Variants in AK7 observed in about 807,000 individuals in gnomAD.
The protein encoded by AK7 is adenylate kinase 7, also known as ATP-AMP transphosphorylase 7.
Under a neutral mutation model 96.6 loss-of-function variants are expected in AK7, and 78 were observed. The ratio of observed to expected loss-of-function variants is 0.81; its 90% CI spans 0.67 to 0.97. The LOEUF (loss-of-function observed/expected upper bound fraction) is 0.97, where lower values mean the gene tolerates loss of function less well. Among genes scored for constraint, AK7 ranks in the 50% least tolerant of loss-of-function variants. The pLI is 0.00. For missense variants in AK7, 855 were observed against 887.9 expected (o/e 0.96, Z 0.47); for synonymous variants, 302 against 317.2 (o/e 0.95, Z 0.51).
chr14:96,482,954 G>A (rs2140178751), intron 15 of AK7, 45 bp from the exon 16 acceptor site: 1 of 1,590,728 alleles, frequency 6.3e-7, no homozygotes, highest in Non-Finnish European at 8.6e-7. Context: ...TTGCAGGCAG[G>A]CCTAGAATAT....
intron 5 of AK7, among the ~76,000 whole-genome samples, chr14:96,436,267 G>A (rs1305870055): frequency 1.3e-5 from 2 of 152,154 alleles, no homozygotes; most frequent in East Asian, 1.9e-4. Context: ...TATTGTATTT[G>A]TGGTTAAGTC....
intron 7 of AK7, among the ~76,000 whole-genome samples, chr14:96,444,106 A>G (rs986341939): frequency 2.0e-5 from 3 of 152,142 alleles, no homozygotes; most frequent in African/African-American, 7.2e-5. Flanking sequence ...GAAAGTTTAC[A>G]AAGTGTGTTG....
rs78235854 is a variant in AK7, at chr14:96,470,107, C to T, written c.1358-1371C>T. Among the ~76,000 whole-genome samples the T allele has an allele frequency of 8.3e-3, 1,255 of 151,828 alleles. 17 individuals are homozygous for T. Among genetic ancestry groups the T allele is most frequent in the African/African-American group, 0.027 (1,126 of 41,368 alleles). On this transcript the variant is annotated intron_variant, in intron 12 of 17. Transcript: ENST00000267584. ...TGCTGAGATTATAGGTGTGAGCCAC[C>T]GCGCCCGCCCGGGAGAGGTGTTTTA...
chr14:96,398,007 A>G (rs1890172564), intron 1 of AK7, 68 bp from the exon 2 acceptor site: 23 of 1,507,328 alleles, frequency 1.5e-5, no homozygotes, highest in Non-Finnish European at 1.7e-5. Flanking sequence ...AGTTTCTAGA[A>G]TCATCATTCA....
At chr14:96,469,152 G>C (rs1894744961) in intron 12 of AK7, among the ~76,000 whole-genome samples, 1 of 152,182 alleles carries the variant, frequency 6.6e-6, no homozygotes, top group Non-Finnish European at 1.5e-5. Flanking sequence ...TAAACTGAGG[G>C]AGGCATTGAA....
At chr14:96,461,830 C>G (rs930957590) in intron 12 of AK7, among the ~76,000 whole-genome samples, 1 of 152,166 alleles carries the variant, frequency 6.6e-6, no homozygotes, top group African/African-American at 2.4e-5. Context: ...AAGTGATCTG[C>G]CTGCCTTGGC....
chr14:96,456,153 G>A (rs573791785), intron 10 of AK7, among the ~76,000 whole-genome samples, 194 bp from the exon 11 acceptor site: 25 of 147,704 alleles, frequency 1.7e-4, no homozygotes, highest in African/African-American at 6.0e-4. Context: ...GCAGAGAATC[G>A]CTTGAACCTG....
At position 96,420,931 on chromosome 14, in the gene AK7, AG is replaced by A. The variant is rs774499932; in HGVS notation, c.609+1del. 27 of 1,592,424 alleles carry A rather than the reference AG, an allele frequency of 1.7e-5. No individual in the cohort carries two copies. In the South Asian group the frequency reaches 2.7e-4, roughly 16 times the overall value. ...AEKMVLKFGK[K>X]ARKFAAYVVA... ...AAAATGGTTCTCAAATTTGGAAAAA[AG>A]GTAAGTCTGGCATAGTGGAACATGG... On this transcript the variant is annotated frameshift_variant and splice_region_variant, in exon 5 of 18. Coordinates refer to ENST00000267584, the MANE Select transcript of AK7 (RefSeq NM_152327.5). LOFTEE classifies it high-confidence loss of function.
chr14:96,437,968 T>A (rs1892741318), intron 6 of AK7, 53 bp downstream of exon 6: 1 of 1,532,438 alleles, frequency 6.5e-7, no homozygotes, highest in Non-Finnish European at 9.0e-7. Context: ...ACGATACAGA[T>A]ACGCAATTTG....
chr14:96,414,359 G>A (rs952684870), intron 4 of AK7, among the ~76,000 whole-genome samples: 3 of 152,218 alleles, frequency 2.0e-5, no homozygotes, highest in Non-Finnish European at 2.9e-5. Flanking sequence ...TAGCTGAGGA[G>A]CCCGGAATAT....
chr14:96,418,877 G>A (rs918986170), intron 4 of AK7, among the ~76,000 whole-genome samples: 1 of 152,140 alleles, frequency 6.6e-6, no homozygotes, highest in South Asian at 2.1e-4. Context: ...GTAAACTCTG[G>A]GCTCAAAAGC....
chr14:96,485,719 C>T (rs887448305), intron 16 of AK7, among the ~76,000 whole-genome samples: 1 of 151,988 alleles, frequency 6.6e-6, no homozygotes, highest in Non-Finnish European at 1.5e-5. Flanking sequence ...AATTCACCCA[C>T]CTGTTTCCCA....
chr14:96,469,248 C>G (rs771710529), intron 12 of AK7, among the ~76,000 whole-genome samples: 1 of 152,134 alleles, frequency 6.6e-6, no homozygotes, highest in African/African-American at 2.4e-5. Context: ...AGGCCGGGGG[C>G]GGCGGCTCAT....
intron 5 of AK7, among the ~76,000 whole-genome samples, chr14:96,422,033 G>A (rs183641816): frequency 6.2e-4 from 95 of 152,304 alleles, no homozygotes; most frequent in African/African-American, 2.0e-3. Context: ...GCTGGGTCCA[G>A]GGGGGTCACC....
intron 4 of AK7, among the ~76,000 whole-genome samples, chr14:96,410,097 A>G (rs1319476165): frequency 1.3e-5 from 2 of 152,258 alleles, no homozygotes; most frequent in Admixed American, 1.3e-4. Context: ...GGAGATATTT[A>G]GGGATTCATC....
chr14:96,487,997 C>T (rs1379230085), intron 17 of AK7: 2 of 406,796 alleles, frequency 4.9e-6, no homozygotes, highest in South Asian at 1.9e-5. Flanking sequence ...ACTGCAACCT[C>T]CACCTCCCGG....
At chr14:96,433,302 T>C (rs1892458287) in intron 5 of AK7, among the ~76,000 whole-genome samples, 1 of 152,214 alleles carries the variant, frequency 6.6e-6, no homozygotes, top group Non-Finnish European at 1.5e-5. Flanking sequence ...CACTTTCAGG[T>C]ACGCCAATCA....
chr14:96,456,784 C>G, intron 11 of AK7: 1 of 242,936 alleles, frequency 4.1e-6, no homozygotes, highest in Middle Eastern at 1.6e-3. Flanking sequence ...TCGTCTTCTT[C>G]GTGGCCAACT....
chr14:96,413,104 T>A (rs904870524), intron 4 of AK7, among the ~76,000 whole-genome samples: 1 of 152,138 alleles, frequency 6.6e-6, no homozygotes, highest in African/African-American at 2.4e-5. Context: ...GGGAGTTGAT[T>A]CTGTGTCTTG....
Sources: gnomAD v4.1 joint callset for allele counts (sites outside exome capture counted in the v4.1 genomes callset) on GRCh38, gnomAD v4.1.1 for gene constraint, MANE v1.5 for transcripts, NCBI Gene and HGNC (gene_info 2026-07-23, HGNC 2026-07-21) for gene names.